UBE2T: variants seen among roughly 807,000 people sequenced by gnomAD.
UBE2T encodes the protein ubiquitin-conjugating enzyme E2 T.
Under a neutral mutation model 23.3 loss-of-function variants are expected in UBE2T, and 15 were observed. That is an observed-to-expected ratio of 0.64 (90% CI 0.43 to 0.99). The LOEUF (loss-of-function observed/expected upper bound fraction) is 0.99. Ranked by LOEUF, UBE2T falls within the 50% of genes least tolerant of loss-of-function variation. UBE2T has a pLI of 0.00. For synonymous variants in UBE2T, 67 were observed against 78.4 expected (o/e 0.85, Z 0.77); for missense variants, 197 against 234.9 (o/e 0.84, Z 1.05).
chr1:202,340,812 A>C (rs1357168055), intron 1 of UBE2T, among the ~76,000 whole-genome samples: 1 of 152,238 alleles, frequency 6.6e-6, no homozygotes, highest in Non-Finnish European at 1.5e-5. Flanking sequence ...AATTTCTCCC[A>C]AGGAAGCAAC....
At chr1:202,333,359 T>A (rs371025959) in intron 4 of UBE2T, 24 bp from the exon 5 acceptor site, 1 of 1,613,812 alleles carries the variant, frequency 6.2e-7, no homozygotes, top group African/African-American at 1.3e-5. Context: ...GATGAACAGT[T>A]GCTTTTATAT....
In UBE2T at chr1:202,333,530, G is replaced by C; in HGVS notation, c.205C>G (p.Arg69Gly). 6.2e-7 allele frequency: 1 copy of C among 1,614,074 alleles called. No homozygotes were observed. The highest frequency in any genetic ancestry group is 8.5e-7 in the Non-Finnish European group (1 of 1,179,996). Residue 69 changes from arginine (R) to glycine (G), a missense_variant, in exon 4 of 7, where the codon CGA (arginine) becomes GGA (glycine). Transcript: ENST00000646651. ...ERYPFEPPQIRFLTPIYHPNI... is the reference protein window; with the variant it reads ...ERYPFEPPQIGFLTPIYHPNI... ...GGATGATAAATTGGAGTGAGAAATC[G>C]GATCTGAGGAGGTTCAAATGGGTAC...
chr1:202,333,575 C>T lies in UBE2T; in HGVS notation c.180-20G>A. On this transcript the variant is annotated intron_variant, in intron 3 of 6. Transcript: ENST00000646651. ...GGGTACCTATGAAAGAATAAGACAA[C>T]AGATAATTTTCATTACATAATTTTG... is the stretch of plus-strand genomic sequence containing the variant. 1 of 1,591,264 alleles carries T rather than the reference C, an allele frequency of 6.3e-7. No individual in the cohort carries two copies. The highest frequency in any genetic ancestry group is 8.6e-7 in the Non-Finnish European group (1 of 1,164,464).
At chr1:202,334,916 C>G in intron 3 of UBE2T, 73 bp downstream of exon 3, 3 of 1,403,556 alleles carry the variant, frequency 2.1e-6, no homozygotes, top group Non-Finnish European at 3.0e-6. Context: ...TATGCTCTAT[C>G]TACTACATTG....
Position 202,337,585 on chromosome 1 carries a change from C to T in UBE2T, c.-64-1767G>A, listed in dbSNP as rs1041005674. 8.5e-5 allele frequency among the ~76,000 whole-genome samples: 13 copies of T among 152,232 alleles called. 1 individual carries two copies. The highest frequency in any genetic ancestry group is 3.1e-4 in the African/African-American group (13 of 41,536). On this transcript the variant is annotated intron_variant, in intron 1 of 6. Transcript: ENST00000646651. ...CATTTACTGAATCAGTCCATCCTTTCCCTGCTGATATTACTATAAATTAAA... is the reference window on the plus strand; with the variant it reads ...CATTTACTGAATCAGTCCATCCTTTTCCTGCTGATATTACTATAAATTAAA...
intron 1 of UBE2T, among the ~76,000 whole-genome samples, chr1:202,339,100 T>TA (rs59423782): frequency 2.5e-4 from 37 of 146,560 alleles, no homozygotes; most frequent in African/African-American, 8.4e-4. Context: ...TTTTTTTTTT[T>TA]AACATATTGT....
chr1:202,341,240 G>T (rs1158972386), intron 1 of UBE2T, among the ~76,000 whole-genome samples: 1 of 152,056 alleles, frequency 6.6e-6, no homozygotes, highest in African/African-American at 2.4e-5. Flanking sequence ...AGTAAATTTG[G>T]ATAATTAATG....
Position 202,335,720 on chromosome 1 carries a change from T to A in UBE2T, c.35A>T (p.His12Leu). The change falls in exon 2 of 7, where the codon CAC becomes CTC. Residue 12 changes from histidine (H) to leucine (L), a missense_variant. His to Leu is a moderately conservative substitution (Grantham distance 99, BLOSUM62 -3). Transcript: ENST00000646651. The surrounding 1 kb of genome is among the most constrained non-coding windows in gnomAD (Gnocchi z 4.0). ...TGGGGGTGGCTCTGTGGCTAACATG[T>A]GCAGCTCTCTCTTCAGACGTGAAGC... Reference protein sequence around the residue: ...QRASRLKRELHMLATEPPPGI... With the variant: ...QRASRLKRELLMLATEPPPGI... 1 of 1,614,128 alleles carries A rather than the reference T, an allele frequency of 6.2e-7. No individual in the cohort carries two copies. The highest frequency in any genetic ancestry group is 1.3e-5 in the African/African-American group (1 of 75,034).
rs1325726617 is a variant in UBE2T, at chr1:202,335,782, A to G, written c.-28T>C. On this transcript the variant is annotated 5_prime_UTR_variant, in exon 2 of 7. Coordinates refer to ENST00000646651, the MANE Select transcript of UBE2T (RefSeq NM_014176.4). This position sits in a 1 kb window ranked among gnomAD's most constrained non-coding sequence, Gnocchi z 4.0. ...TCCCCAAGTAGAAGGAACCACACAC[A>G]GTTCACTGCTCCACACTAAGAGCTG... 1 of 1,603,330 alleles carries G rather than the reference A, an allele frequency of 6.2e-7. No homozygotes were observed. Among genetic ancestry groups the G allele is most frequent in the Non-Finnish European group, 8.5e-7 (1 of 1,170,524 alleles).
intron 1 of UBE2T, among the ~76,000 whole-genome samples, chr1:202,336,325 G>C (rs1004821338): frequency 6.8e-6 from 1 of 146,216 alleles, no homozygotes; most frequent in Non-Finnish European, 1.5e-5. Context: ...GGGCTTAAGT[G>C]ATCCTCCCAT....
At chr1:202,333,173 C>T (rs112501058) in intron 5 of UBE2T, 64 bp downstream of exon 5, 3 of 1,605,372 alleles carry the variant, frequency 1.9e-6, no homozygotes, top group Non-Finnish European at 2.6e-6. Context: ...TATCCTCACA[C>T]AGGGAGAGTT....
intron 1 of UBE2T, among the ~76,000 whole-genome samples, chr1:202,341,012 TAA>T (rs1294100710): frequency 6.6e-6 from 1 of 152,194 alleles, no homozygotes; most frequent in African/African-American, 2.4e-5. Context: ...CTGCTGCCCA[TAA>T]AAGTTTTATT....
At chr1:202,340,525 A>AG (rs1654978095) in intron 1 of UBE2T, among the ~76,000 whole-genome samples, 1 of 152,020 alleles carries the variant, frequency 6.6e-6, no homozygotes, top group Non-Finnish European at 1.5e-5. Context: ...AAAAAAAAAA[A>AG]AAGAAAAAAA....
chr1:202,332,683 C>T (rs1654777085), intron 6 of UBE2T, among the ~76,000 whole-genome samples: 1 of 151,328 alleles, frequency 6.6e-6, no homozygotes, highest in South Asian at 2.1e-4. Flanking sequence ...CCGAGGCGGG[C>T]GGATCACGAG....
In UBE2T at chr1:202,335,045, T is replaced by C. The variant is rs1160115078; in HGVS notation, c.123A>G (p.Gly41=). ...CACCTTTCTCATAAGGTGTGTTGGC[T>C]CCACCTAATATTTCTTAAAAGAAAA... ...MDDLRAQILG[G]ANTPYEKGVF... The change falls in exon 3 of 7, where the codon GGA becomes GGG. Residue 41 remains glycine, a synonymous_variant. Transcript: ENST00000646651. This position sits in a 1 kb window ranked among gnomAD's most constrained non-coding sequence, Gnocchi z 4.0. 5.0e-6 allele frequency: 8 copies of C among 1,611,234 alleles called. No homozygotes were observed. The Admixed American group carries it at 1.3e-4, about 27-fold the overall frequency.
Position 202,335,821 on chromosome 1 carries a change from G to T in UBE2T, c.-64-3C>A. The T allele has an allele frequency of 6.9e-7, 1 of 1,443,640 alleles. No individual in the cohort carries two copies. Among genetic ancestry groups the T allele is most frequent in the Non-Finnish European group, 9.7e-7 (1 of 1,032,200 alleles). The allele number at this position is 1,443,640 out of a possible 1,614,324, so 89.4% of individuals were successfully genotyped here. ...CACTAAGAGCTGCCTGGGATGCACTGGAGGAGAAAAGAGGTGACCATAAAA... is the reference window on the plus strand; with the variant it reads ...CACTAAGAGCTGCCTGGGATGCACTTGAGGAGAAAAGAGGTGACCATAAAA... On this transcript the variant is annotated splice_region_variant and splice_polypyrimidine_tract_variant and intron_variant, in intron 1 of 6. Transcript: ENST00000646651. The surrounding 1 kb of genome is among the most constrained non-coding windows in gnomAD (Gnocchi z 4.0).
chr1:202,340,062 T>C (rs1434169115), intron 1 of UBE2T, among the ~76,000 whole-genome samples: 1 of 150,822 alleles, frequency 6.6e-6, no homozygotes, highest in African/African-American at 2.4e-5. Context: ...ATATAAAAAT[T>C]AGCCAGCTGC....
chr1:202,336,087 T>C (rs943673217), intron 1 of UBE2T, among the ~76,000 whole-genome samples: 3 of 152,154 alleles, frequency 2.0e-5, no homozygotes, highest in Non-Finnish European at 4.4e-5. Flanking sequence ...CATTTTAGTA[T>C]TTTTAGTAGA....
intron 4 of UBE2T, 55 bp downstream of exon 4, chr1:202,333,395 T>G (rs1654811012): frequency 6.2e-7 from 1 of 1,613,152 alleles, no homozygotes; most frequent in African/African-American, 1.3e-5. Context: ...TAATTCAAGT[T>G]TAATAGATGA....
Sources: gnomAD v4.1 joint callset for allele counts (sites outside exome capture counted in the v4.1 genomes callset) on GRCh38, gnomAD v4.1.1 for gene constraint, Gnocchi (gnomAD v3.1) non-coding constraint, MANE v1.5 for transcripts, NCBI Gene and HGNC (gene_info 2026-07-23, HGNC 2026-07-21) for gene names.